CDH23: variants seen among roughly 807,000 people sequenced by gnomAD.
CDH23 encodes the protein cadherin-23.
Under a neutral mutation model 317.1 loss-of-function variants are expected in CDH23, and 189 were observed. That is an observed-to-expected ratio of 0.60 (90% confidence interval 0.53 to 0.67). The LOEUF (loss-of-function observed/expected upper bound fraction) is 0.67, where lower values mean the gene tolerates loss of function less well. Among genes scored for constraint, CDH23 ranks in the 30% least tolerant of loss-of-function variants. The probability of loss-of-function intolerance (pLI) is 0.00; values close to 1 mark genes in which losing one functional copy is unlikely to be tolerated. For missense variants in CDH23, 4,401 were observed against 4,592.4 expected, an observed-to-expected ratio of 0.96 and a Z score of 1.20; for synonymous variants, 1,839 against 1,876.8, an observed-to-expected ratio of 0.98 and a Z score of 0.52.
rs758070912 is a variant in CDH23, at chr10:71,740,828, G to A, written c.4495G>A (p.Ala1499Thr). Residue 1499 changes from alanine to threonine, a missense_variant, in exon 37 of 70, where the codon GCT (alanine) becomes ACT (threonine). This residue lies in a region of CDH23 where 3,068 missense variants were observed against 3,203.3 expected (regional missense o/e 0.96). Transcript: ENST00000224721. ...GTTGCCCTCCTCCTTGCAGGTTGTGGCTTCTGACCGAGGCACCCCTCCACG... is the reference window on the plus strand; with the variant it reads ...GTTGCCCTCCTCCTTGCAGGTTGTGACTTCTGACCGAGGCACCCCTCCACG... The part of the protein sequence containing the change: ...ELDHYILQVV[A>T]SDRGTPPRKK... 6.2e-7 allele frequency: 1 copy of A among 1,613,750 alleles called. No individual in the cohort carries two copies. The highest frequency in any genetic ancestry group is 8.5e-7 in the Non-Finnish European group (1 of 1,179,878).
In CDH23 at chr10:71,785,646, G is replaced by C; in HGVS notation, c.5728G>C (p.Val1910Leu). The change falls in exon 44 of 70, where the codon GTG (valine) becomes CTG (leucine). Residue 1910 changes from valine (V) to leucine (L), a missense_variant. Val to Leu is a conservative substitution (Grantham distance 32). Transcript: ENST00000224721. ...FINATTGIVTVNRPLDRERIP... is the reference protein window; with the variant it reads ...FINATTGIVTLNRPLDRERIP... ...CACATCCCAGACAGGGATCGTCACT[G>C]TGAACCGGCCCCTGGACCGCGAGCG... The C allele has an allele frequency of 6.2e-7, 1 of 1,601,036 alleles. No homozygotes were observed. The highest frequency in any genetic ancestry group is 8.5e-7 in the Non-Finnish European group (1 of 1,173,696).
Position 71,784,941 on chromosome 10 carries a change from G to A in CDH23, c.5553G>A (p.Leu1851=), listed in dbSNP as rs1390789673. 1 of 1,614,062 alleles carries A rather than the reference G, an allele frequency of 6.2e-7. No homozygotes were observed. The highest frequency in any genetic ancestry group is 2.2e-5 in the East Asian group (1 of 44,884). ...VLDINDNDPV[L]LNLPMNITIS... is the part of the protein sequence containing the mutation. Reference sequence around the variant, plus strand: ...ACATCAACGACAACGACCCTGTGCTGCTGAACCTGCCCATGAACATCACCA... The same window carrying A: ...ACATCAACGACAACGACCCTGTGCTACTGAACCTGCCCATGAACATCACCA... Residue 1851 remains leucine, a synonymous_variant, in exon 43 of 70, where the codon CTG becomes CTA. Coordinates refer to ENST00000224721, the MANE Select transcript of CDH23 (RefSeq NM_022124.6).
chr10:71,418,848 A>T (rs771588033), intron 1 of CDH23, among the ~76,000 whole-genome samples: 38 of 152,352 alleles, frequency 2.5e-4, no homozygotes, highest in Non-Finnish European at 5.0e-4. Flanking sequence ...ACCTTGGGTT[A>T]ATGACCTCTT....
chr10:71,614,947 C>T lies in CDH23; in HGVS notation c.833-557C>T, dbSNP rs556818743. ...TACATATCTTAAATTTTAATAAGTACTTAACATAGTACTTTTTTAAAATTA... is the reference window on the plus strand; with the variant it reads ...TACATATCTTAAATTTTAATAAGTATTTAACATAGTACTTTTTTAAAATTA... On this transcript the variant is annotated intron_variant, in intron 9 of 69. Transcript: ENST00000224721. Among the ~76,000 whole-genome samples, 4 of 152,232 alleles carry T rather than the reference C, an allele frequency of 2.6e-5. No individual in the cohort carries two copies. The East Asian group carries it at 7.7e-4, about 29-fold the overall frequency.
chr10:71,584,542 C>CTGTGTGTGTGTGTGTGTGTGTG lies in CDH23; in HGVS notation c.832+6562_832+6583dup, dbSNP rs138103081. Among the ~76,000 whole-genome samples the CTGTGTGTGTGTGTGTGTGTGTG allele has an allele frequency of 1.8e-3, 263 of 145,760 alleles. 2 individuals carry two copies. Among genetic ancestry groups the CTGTGTGTGTGTGTGTGTGTGTG allele is most frequent in the Middle Eastern group, 0.011 (3 of 284 alleles). On this transcript the variant is annotated intron_variant, in intron 9 of 69. Coordinates refer to ENST00000224721, the MANE Select transcript of CDH23 (RefSeq NM_022124.6). ...TACACTGATTGCTTTGAAGGGAAGT[C>CTGTGTGTGTGTGTGTGTGTGTG]TGTGTGTGTGTGTGTGTGTGTGTGT... is the stretch of plus-strand genomic sequence containing the variant.
chr10:71,472,329 C>A (rs574378064), intron 3 of CDH23, among the ~76,000 whole-genome samples: 2 of 152,312 alleles, frequency 1.3e-5, no homozygotes, highest in South Asian at 4.1e-4. Context: ...CCTCCCTTGT[C>A]CCTCCCGCAA....
intron 3 of CDH23, among the ~76,000 whole-genome samples, chr10:71,483,250 G>A (rs1052112082): frequency 3.9e-5 from 6 of 152,156 alleles, no homozygotes; most frequent in Non-Finnish European, 5.9e-5. Flanking sequence ...CAGGGGTGAC[G>A]TTCAACATGC....
At chr10:71,653,803 G>GAAT (rs1363133146) in intron 14 of CDH23, among the ~76,000 whole-genome samples, 2 of 152,192 alleles carry the variant, frequency 1.3e-5, no homozygotes, top group South Asian at 2.1e-4. Flanking sequence ...GCTGTAGAGA[G>GAAT]AATAATAATA....
Position 71,798,451 on chromosome 10 carries a change from C to T in CDH23, c.6927C>T (p.Ala2309=), listed in dbSNP as rs765133274. ...TYYMERILEG[A]TPGTTLIAVA... ...ACATGGAGCGGATCCTGGAGGGGGC[C>T]ACCCCTGGGACCACACTCATTGCTG... Residue 2309 remains alanine, a synonymous_variant, in exon 50 of 70, where the codon GCC becomes GCT. Coordinates refer to ENST00000224721, the MANE Select transcript of CDH23 (RefSeq NM_022124.6). The T allele has an allele frequency of 1.5e-5, 25 of 1,613,816 alleles. No individual in the cohort carries two copies. Among genetic ancestry groups the T allele is most frequent in the Non-Finnish European group, 1.4e-5 (17 of 1,179,820 alleles).
At chr10:71,793,700 C>T in intron 48 of CDH23, 60 bp downstream of exon 48, 1 of 1,195,938 alleles carries the variant, frequency 8.4e-7, no homozygotes, top group Non-Finnish European at 1.2e-6. Flanking sequence ...CTCCTCGCTC[C>T]CTGCTTCCCC....
At chr10:71,440,250 C>A (rs1849812763) in intron 2 of CDH23, among the ~76,000 whole-genome samples, 1 of 152,166 alleles carries the variant, frequency 6.6e-6, no homozygotes, top group Admixed American at 6.5e-5. Context: ...GTGTTCTGAG[C>A]ACCTACTGTT....
At chr10:71,552,073 C>T (rs1489456384) in intron 6 of CDH23, among the ~76,000 whole-genome samples, 2 of 152,252 alleles carry the variant, frequency 1.3e-5, no homozygotes, top group South Asian at 2.1e-4. Context: ...TGGCTACTAC[C>T]GCTATGACTG....
chr10:71,796,191 T>A, intron 48 of CDH23: 7 of 711,896 alleles, frequency 9.8e-6, no homozygotes, highest in Non-Finnish European at 1.2e-5. Context: ...GGAGAGGAGG[T>A]CTCACTCTGG....
intron 6 of CDH23, among the ~76,000 whole-genome samples, chr10:71,537,781 T>C (rs1855780179): frequency 6.6e-6 from 1 of 152,214 alleles, no homozygotes; most frequent in Non-Finnish European, 1.5e-5. Context: ...GCCCACGCTG[T>C]GTTAACTGAG....
intron 3 of CDH23, among the ~76,000 whole-genome samples, chr10:71,460,892 C>T (rs1850946629): frequency 6.6e-6 from 1 of 152,212 alleles, no homozygotes; most frequent in Non-Finnish European, 1.5e-5. Flanking sequence ...AGCCTGTGGA[C>T]ACATCTCTTT....
chr10:71,747,889 G>A (rs1564772574), intron 38 of CDH23: 1 of 152,348 alleles, frequency 6.6e-6, no homozygotes, highest in Admixed American at 6.5e-5. Flanking sequence ...TAGCCTCCAT[G>A]GGGTGAAGAG....
At position 71,751,326 on chromosome 10, in the gene CDH23, C is replaced by T. The variant is rs765365370; in HGVS notation, c.4845+9405C>T. 5 of 1,598,886 alleles carry T rather than the reference C, an allele frequency of 3.1e-6. No individual in the cohort carries two copies. Among genetic ancestry groups the T allele is most frequent in the Middle Eastern group, 1.7e-4 (1 of 5,858 alleles). ...AGGAGAAGCAAAGTGAACGGGGCCC[C>T]TCTGCCCCTCACCCTCAACCCCACC... On this transcript the variant is annotated intron_variant, in intron 38 of 69. Transcript: ENST00000224721. The surrounding 1 kb of genome is among the most constrained non-coding windows in gnomAD (Gnocchi z 4.9).
chr10:71,419,610 C>A (rs1050481095), intron 1 of CDH23, among the ~76,000 whole-genome samples: 18 of 152,054 alleles, frequency 1.2e-4, no homozygotes, highest in African/African-American at 4.3e-4. Flanking sequence ...TCCAGTGAAC[C>A]CCTAGGTACT....
rs182075223 is a variant in CDH23, at chr10:71,796,932, G to A, written c.6713-172G>A. ...AGCATCATGGGAGGGGCAGAGCCAC[G>A]TGACCCAAGCTTATGAGGAGGCTGT... On this transcript the variant is annotated intron_variant, in intron 48 of 69. Transcript: ENST00000224721. 1.1e-3 allele frequency: 616 copies of A among 564,864 alleles called. 1 individual carries two copies. The highest frequency in any genetic ancestry group is 9.0e-3 in the African/African-American group (481 of 53,500). The allele number at this position is 564,864 out of a possible 1,614,324, so 35.0% of individuals were successfully genotyped here.
Sources: allele counts gnomAD v4.1 joint callset (sites outside exome capture counted in the v4.1 genomes callset), GRCh38; gene constraint gnomAD v4.1.1; regional missense constraint gnomAD v4.1.1; non-coding constraint Gnocchi (gnomAD v3.1); transcripts MANE v1.5; gene names NCBI Gene and HGNC (gene_info 2026-07-23, HGNC 2026-07-21).